ZC4H2: variants seen among roughly 807,000 people sequenced by gnomAD.
The protein encoded by ZC4H2 is zinc finger C4H2 domain-containing protein.
For missense variants in ZC4H2, 137 were observed against 173.9 expected (o/e 0.79, Z 1.19); for synonymous variants, 84 against 66.3 (o/e 1.27, Z -1.30).
At chrX:65,007,901 G>A (rs1188759703) in intron 1 of ZC4H2, among the ~76,000 whole-genome samples, 2 of 111,631 alleles carry the variant, frequency 1.8e-5, no homozygotes, top group Middle Eastern at 4.2e-3. Flanking sequence ...ATTGGTTTGG[G>A]CAAGCTTTTC....
intron 1 of ZC4H2, among the ~76,000 whole-genome samples, chrX:64,968,556 G>T (rs923941144): frequency 8.1e-5 from 9 of 111,470 alleles, no homozygotes; most frequent in Non-Finnish European, 1.3e-4. Context: ...GAAATCTGTG[G>T]AATGTTTGGC....
At chrX:65,033,860 G>A (rs868147319) in intron 1 of ZC4H2, among the ~76,000 whole-genome samples, 1 of 110,978 alleles carries the variant, frequency 9.0e-6, no homozygotes, top group African/African-American at 3.3e-5. Flanking sequence ...AGGCGGAGGC[G>A]GGCGGATCAC....
chrX:64,984,994 C>G (rs1414090555), intron 1 of ZC4H2, among the ~76,000 whole-genome samples: 1 of 112,068 alleles, frequency 8.9e-6, no homozygotes, highest in Non-Finnish European at 1.9e-5. Context: ...ATAATGGCCT[C>G]CAACTCCATC....
intron 1 of ZC4H2, among the ~76,000 whole-genome samples, chrX:64,944,545 G>A (rs767859905): frequency 5.4e-5 from 6 of 110,744 alleles, no homozygotes; most frequent in Admixed American, 3.9e-4. Flanking sequence ...TGAATCTGAC[G>A]CTTATGTGTC....
chrX:64,940,417 C>T (rs1930223420), intron 1 of ZC4H2, among the ~76,000 whole-genome samples: 1 of 111,569 alleles, frequency 9.0e-6, no homozygotes, highest in African/African-American at 3.3e-5. Context: ...TAATGAGATC[C>T]CATTTGTCAA....
chrX:65,009,577 G>T (rs774222627), intron 1 of ZC4H2, among the ~76,000 whole-genome samples: 3 of 111,863 alleles, frequency 2.7e-5, no homozygotes, highest in South Asian at 3.8e-4. Context: ...AGCATAGAAG[G>T]TTTGCTTATT....
chrX:64,988,067 T>A (rs1393438216), intron 1 of ZC4H2, among the ~76,000 whole-genome samples: 1 of 109,564 alleles, frequency 9.1e-6, no homozygotes, highest in Non-Finnish European at 1.9e-5. Context: ...CATGAACTCA[T>A]CCTTTTTTAT....
intron 1 of ZC4H2, among the ~76,000 whole-genome samples, chrX:64,945,535 C>T (rs1013584624): frequency 1.1e-4 from 12 of 111,814 alleles, no homozygotes; most frequent in African/African-American, 3.9e-4. Flanking sequence ...TGGGAGGTGT[C>T]TCCCAGTCAG....
At position 65,007,030 on chromosome X, in the gene ZC4H2, T is replaced by A. The variant is rs186696485; in HGVS notation, c.-272+27599A>T. ...CAGCTATACTTTACTAAAATGTAAGTTTCATGCAGGCATGCTGAGTTATTT... is the reference window on the plus strand; with the variant it reads ...CAGCTATACTTTACTAAAATGTAAGATTCATGCAGGCATGCTGAGTTATTT... On this transcript the variant is annotated intron_variant, in intron 1 of 4. Transcript: ENST00000337990. Among the ~76,000 whole-genome samples, 29 of 112,393 alleles carry A rather than the reference T, an allele frequency of 2.6e-4. No homozygotes were observed. The East Asian group carries it at 6.4e-3, about 25-fold the overall frequency.
upstream of ZC4H2, among the ~76,000 whole-genome samples, chrX:64,979,416 G>C: frequency 8.9e-6 from 1 of 112,868 alleles, no homozygotes. Flanking sequence ...AAGAAGGTTT[G>C]TGCTATTTGT....
intron 1 of ZC4H2, among the ~76,000 whole-genome samples, chrX:64,928,715 CCCTCCT>C (rs1427855921): frequency 2.7e-5 from 2 of 74,714 alleles, no homozygotes; most frequent in African/African-American, 1.1e-4. Flanking sequence ...CTCCTCCTCC[CCCTCCT>C]CCTCCTCTTC....
At chrX:65,006,500 A>G (rs1262074495) in intron 1 of ZC4H2, among the ~76,000 whole-genome samples, 1 of 106,497 alleles carries the variant, frequency 9.4e-6, no homozygotes, top group African/African-American at 3.4e-5. Context: ...ACAGGTGGGA[A>G]CTGAACAATG....
rs779786657 is a variant in ZC4H2, at chrX:64,956,391, G to A, written c.53+19934C>T. ...GTCATAATAGTAGTCTCCCTTGTGC[G>A]CTGCATTCTCTCAAAAGTTTTAAAT... On this transcript the variant is annotated intron_variant, in intron 1 of 4. Transcript: ENST00000374839. Among the ~76,000 whole-genome samples the A allele has an allele frequency of 1.5e-4, 17 of 111,163 alleles. 1 individual carries two copies. The South Asian group carries it at 3.1e-3, about 20-fold the overall frequency.
At position 64,964,627 on chromosome X, in the gene ZC4H2, C is replaced by T. The variant is rs139805427; in HGVS notation, c.53+11698G>A. 4.8e-3 allele frequency among the ~76,000 whole-genome samples: 533 copies of T among 111,540 alleles called. 1 individual carries two copies. Among genetic ancestry groups the T allele is most frequent in the Non-Finnish European group, 8.7e-3 (462 of 52,929 alleles). On this transcript the variant is annotated intron_variant, in intron 1 of 4. Coordinates refer to ENST00000374839, the MANE Select transcript of ZC4H2 (RefSeq NM_018684.4). ...TTTTCACACAAGGAAAGGTAAAATGCTATATCATCAGCAAACTTGCACTAC... is the reference window on the plus strand; with the variant it reads ...TTTTCACACAAGGAAAGGTAAAATGTTATATCATCAGCAAACTTGCACTAC...
At chrX:65,028,873 C>T (rs1932907887) in intron 1 of ZC4H2, among the ~76,000 whole-genome samples, 1 of 111,141 alleles carries the variant, frequency 9.0e-6, no homozygotes, top group South Asian at 3.8e-4. Flanking sequence ...GACAAATAAC[C>T]CATTAGCATG....
At chrX:65,021,731 C>G (rs1199462462) in intron 1 of ZC4H2, among the ~76,000 whole-genome samples, 1 of 110,805 alleles carries the variant, frequency 9.0e-6, no homozygotes, top group African/African-American at 3.3e-5. Context: ...ATCAATGAAT[C>G]CAGGAGTTGG....
chrX:64,997,985 A>C (rs1477660073), intron 1 of ZC4H2, among the ~76,000 whole-genome samples: 1 of 112,085 alleles, frequency 8.9e-6, no homozygotes, highest in Non-Finnish European at 1.9e-5. Context: ...TTATAAATTT[A>C]GGTTGATAAA....
chrX:64,965,814 C>T (rs977119311), intron 1 of ZC4H2, among the ~76,000 whole-genome samples: 1 of 109,156 alleles, frequency 9.2e-6, no homozygotes, highest in African/African-American at 3.3e-5. Context: ...TGGCACAAGC[C>T]TGTAGTCCAG....
chrX:64,952,135 G>T (rs1206561141), intron 1 of ZC4H2, among the ~76,000 whole-genome samples: 3 of 110,283 alleles, frequency 2.7e-5, no homozygotes, highest in African/African-American at 1.0e-4. Context: ...ATTTCTGAGG[G>T]CTCTGTTCTG....
Sources: allele counts gnomAD v4.1 joint callset (sites outside exome capture counted in the v4.1 genomes callset), GRCh38; gene constraint gnomAD v4.1.1; transcripts MANE v1.5; gene names NCBI Gene and HGNC (gene_info 2026-07-23, HGNC 2026-07-21).